IGF2BP3: variants seen among roughly 807,000 people sequenced by gnomAD.
IGF2BP3 encodes the protein insulin like growth factor 2 mRNA binding protein 3.
IGF2BP3 carries 9 observed loss-of-function variants against 73.8 expected under a neutral mutation model. The ratio of observed to expected loss-of-function variants is 0.12; its 90% CI spans 0.07 to 0.21. The LOEUF (loss-of-function observed/expected upper bound fraction) is 0.21, where lower values mean the gene tolerates loss of function less well. IGF2BP3 is among the 10% of genes least tolerant of loss of function. The probability of loss-of-function intolerance (pLI) is 1.00; values close to 1 mark genes in which losing one functional copy is unlikely to be tolerated. For synonymous variants in IGF2BP3, 258 were observed against 256.7 expected, an observed-to-expected ratio of 1.01 and a Z score of -0.05; for missense variants, 542 against 714.0, an observed-to-expected ratio of 0.76 and a Z score of 2.75.
At chr7:23,370,999 G>T (rs1215554448) in intron 3 of IGF2BP3, among the ~76,000 whole-genome samples, 1 of 152,094 alleles carries the variant, frequency 6.6e-6, no homozygotes, top group Admixed American at 6.6e-5. Flanking sequence ...GTCTTTAAAA[G>T]TCCATAATAA....
intron 11 of IGF2BP3, chr7:23,317,937 G>C (rs1397438711): frequency 5.4e-6 from 3 of 551,870 alleles, no homozygotes; most frequent in Non-Finnish European, 6.6e-6. Flanking sequence ...AGACCTCCAC[G>C]TGCTGTCTCT....
chr7:23,381,002 C>G (rs1785893012), intron 3 of IGF2BP3, among the ~76,000 whole-genome samples: 1 of 152,210 alleles, frequency 6.6e-6, no homozygotes, highest in Non-Finnish European at 1.5e-5. Context: ...CAACCTAACC[C>G]AGGGGCTTGT....
Position 23,458,892 on chromosome 7 carries a change from T to C in IGF2BP3, c.236+9590A>G, listed in dbSNP as rs193209931. ...CTCTGACTTGCCACTGCAAACATGA[T>C]TGGGCTCCTGTGCAAGCTACTTTGA... On this transcript the variant is annotated intron_variant, in intron 2 of 14. Coordinates refer to ENST00000258729, the MANE Select transcript of IGF2BP3 (RefSeq NM_006547.3). Among the ~76,000 whole-genome samples the C allele has an allele frequency of 1.7e-3, 257 of 152,248 alleles. 2 individuals are homozygous for C. Among genetic ancestry groups the C allele is most frequent in the African/African-American group, 5.8e-3 (242 of 41,536 alleles).
chr7:23,389,543 G>T (rs955117249), intron 3 of IGF2BP3, among the ~76,000 whole-genome samples: 22 of 145,490 alleles, frequency 1.5e-4, no homozygotes, highest in African/African-American at 5.3e-4. Flanking sequence ...ATTCAGTACT[G>T]TTTTTTTTTT....
chr7:23,408,440 A>C lies in IGF2BP3; in HGVS notation c.285+10336T>G, dbSNP rs186801863. Among the ~76,000 whole-genome samples the C allele has an allele frequency of 5.9e-3, 900 of 152,342 alleles. 10 individuals carry two copies. Among genetic ancestry groups the C allele is most frequent in the Non-Finnish European group, 6.4e-3 (438 of 68,028 alleles). ...ACTTCTACATACTAAAAACAAGTGG[A>C]AGTCCAAACTTAAAAAATAATATTC... On this transcript the variant is annotated intron_variant, in intron 3 of 14. Coordinates refer to ENST00000258729, the MANE Select transcript of IGF2BP3 (RefSeq NM_006547.3).
chr7:23,315,388 G>A (rs1416531828), intron 12 of IGF2BP3, among the ~76,000 whole-genome samples: 2 of 152,146 alleles, frequency 1.3e-5, no homozygotes, highest in African/African-American at 4.8e-5. Context: ...GATAGCAAGC[G>A]TGGGCCACCG....
chr7:23,316,453 G>A (rs374945479), intron 12 of IGF2BP3, among the ~76,000 whole-genome samples: 1 of 152,082 alleles, frequency 6.6e-6, no homozygotes, highest in East Asian at 1.9e-4. Flanking sequence ...AGGCTAAGGT[G>A]GGCGGATCAC....
At chr7:23,332,282 C>G (rs59653862) in intron 10 of IGF2BP3, among the ~76,000 whole-genome samples, 2,747 of 152,282 alleles carry the variant, frequency 0.018, 81 homozygotes, top group African/African-American at 0.063. Flanking sequence ...TTCAATTCAT[C>G]ATCTCTAATC....
chr7:23,375,808 G>A (rs989486205), intron 3 of IGF2BP3, among the ~76,000 whole-genome samples: 1 of 152,174 alleles, frequency 6.6e-6, no homozygotes, highest in African/African-American at 2.4e-5. Flanking sequence ...AACTGGAGGA[G>A]GAGAAGAGGT....
intron 10 of IGF2BP3, among the ~76,000 whole-genome samples, chr7:23,326,134 A>G (rs549486182): frequency 5.9e-5 from 9 of 152,308 alleles, no homozygotes; most frequent in African/African-American, 2.2e-4. Flanking sequence ...CAGGCAACCT[A>G]CAGAATGGGA....
intron 3 of IGF2BP3, among the ~76,000 whole-genome samples, chr7:23,380,156 TC>T (rs1785861374): frequency 8.3e-6 from 1 of 121,158 alleles, no homozygotes; most frequent in South Asian, 2.8e-4. Flanking sequence ...CCACTATGCC[TC>T]TTTTTTTTTT....
intron 5 of IGF2BP3, among the ~76,000 whole-genome samples, chr7:23,356,348 C>G (rs1210844553): frequency 6.6e-6 from 1 of 151,800 alleles, no homozygotes; most frequent in Non-Finnish European, 1.5e-5. Context: ...ACTTGAGCCC[C>G]GCAGTTTGAG....
intron 3 of IGF2BP3, among the ~76,000 whole-genome samples, chr7:23,369,363 C>A (rs1441628155): frequency 6.6e-6 from 1 of 152,176 alleles, no homozygotes; most frequent in East Asian, 1.9e-4. Context: ...GGCATCACAT[C>A]ATTGTAAGAT....
intron 2 of IGF2BP3, among the ~76,000 whole-genome samples, chr7:23,426,969 A>G (rs910615901): frequency 6.6e-6 from 1 of 152,230 alleles, no homozygotes; most frequent in African/African-American, 2.4e-5. Context: ...AGTATAGTAA[A>G]GACAGGATAA....
intron 2 of IGF2BP3, chr7:23,467,924 A>C (rs1173750214): frequency 6.4e-6 from 1 of 155,330 alleles, no homozygotes; most frequent in Non-Finnish European, 1.4e-5. Context: ...AGAACTTCGG[A>C]GTGACTCAAA....
chr7:23,444,588 C>A (rs773242806), intron 2 of IGF2BP3, among the ~76,000 whole-genome samples: 1 of 151,608 alleles, frequency 6.6e-6, no homozygotes, highest in Non-Finnish European at 1.5e-5. Flanking sequence ...CTAAAAAATA[C>A]GAAAATTAGC....
At chr7:23,321,552 G>T (rs559120638) in intron 10 of IGF2BP3, among the ~76,000 whole-genome samples, 1 of 152,210 alleles carries the variant, frequency 6.6e-6, no homozygotes, top group Non-Finnish European at 1.5e-5. Flanking sequence ...CAGGACGCTC[G>T]AACTGGGTGG....
At chr7:23,428,519 GA>G (rs144236446) in intron 2 of IGF2BP3, among the ~76,000 whole-genome samples, 305 of 145,590 alleles carry the variant, frequency 2.1e-3, no homozygotes, top group African/African-American at 6.4e-3. Flanking sequence ...CTGTATAAAA[GA>G]AAAAAAAAAT....
rs569726611 is a variant in IGF2BP3 at position 23,462,007 on chromosome 7, G to A, written c.236+6475C>T. 2.6e-3 allele frequency among the ~76,000 whole-genome samples: 395 copies of A among 151,034 alleles called. 3 individuals carry two copies. Among genetic ancestry groups the A allele is most frequent in the African/African-American group, 9.0e-3 (369 of 41,228 alleles). On this transcript the variant is annotated intron_variant, in intron 2 of 14. Coordinates refer to ENST00000258729, the MANE Select transcript of IGF2BP3 (RefSeq NM_006547.3). Reference sequence around the variant, plus strand: ...GGGTAAGATCAGTCAACTCTGCCAGGAAAAAAAAACTCCAGCTTCTTCTGA... The same window carrying A: ...GGGTAAGATCAGTCAACTCTGCCAGAAAAAAAAAACTCCAGCTTCTTCTGA...
Sources: gnomAD v4.1 joint callset for allele counts (sites outside exome capture counted in the v4.1 genomes callset) on GRCh38, gnomAD v4.1.1 for gene constraint, MANE v1.5 for transcripts, NCBI Gene and HGNC (gene_info 2026-07-23, HGNC 2026-07-21) for gene names.